Variants in MYO1B observed in about 807,000 individuals in gnomAD.
MYO1B encodes the protein myosin IB.
A neutral mutation model predicts 159.7 loss-of-function variants in MYO1B; 72 were observed. The observed-to-expected ratio is 0.45, with a 90% CI of 0.37 to 0.55. The LOEUF is 0.55. MYO1B is among the 20% of genes least tolerant of loss of function. MYO1B has a pLI of 0.00. For synonymous variants in MYO1B, 468 were observed against 473.8 expected, an observed-to-expected ratio of 0.99 and a Z score of 0.16; for missense variants, 1,062 against 1,364.8, an observed-to-expected ratio of 0.78 and a Z score of 3.50.
intron 13 of MYO1B, among the ~76,000 whole-genome samples, chr2:191,371,426 G>C (rs2126041439): frequency 6.6e-6 from 1 of 152,314 alleles, no homozygotes; most frequent in East Asian, 1.9e-4. Flanking sequence ...AGGGCCGACT[G>C]TATGTAAGCA....
chr2:191,340,884 C>T (rs995719073), intron 4 of MYO1B, among the ~76,000 whole-genome samples: 1 of 152,012 alleles, frequency 6.6e-6, no homozygotes. Context: ...TGCCACCATG[C>T]CCGGCTTATT....
intron 30 of MYO1B, among the ~76,000 whole-genome samples, chr2:191,419,576 A>T (rs2356649): frequency 0.97 from 148,183 of 152,272 alleles, 72,202 homozygotes; most frequent in East Asian, 1. Context: ...AAAAGTTAAT[A>T]GTAAAACAGC....
At chr2:191,246,119 C>G (rs563911387) in intron 1 of MYO1B, 26 of 152,512 alleles carry the variant, frequency 1.7e-4, no homozygotes, top group African/African-American at 6.3e-4. Flanking sequence ...GAGGAGGGGC[C>G]CGGGACGCTG....
intron 17 of MYO1B, chr2:191,388,276 CAAA>C (rs1163456741): frequency 7.5e-5 from 8 of 106,140 alleles, no homozygotes; most frequent in Non-Finnish European, 9.9e-5. Flanking sequence ...GACTCCATCT[CAAA>C]AAAAAAAAAA....
chr2:191,408,074 G>T, intron 24 of MYO1B, 41 bp from the exon 25 acceptor site: 2 of 1,389,046 alleles, frequency 1.4e-6, no homozygotes, highest in South Asian at 1.2e-5. Context: ...ACCTGTACCA[G>T]CCACACATTA....
intron 3 of MYO1B, among the ~76,000 whole-genome samples, chr2:191,310,957 A>G (rs1455695928): frequency 3.3e-5 from 5 of 152,224 alleles, no homozygotes; most frequent in African/African-American, 1.2e-4. Flanking sequence ...CAGAATTTCT[A>G]GTTGCTATTG....
At position 191,390,358 on chromosome 2, in the gene MYO1B, C is replaced by T; in HGVS notation, c.1848C>T (p.Ile616=). Residue 616 remains isoleucine, a synonymous_variant, in exon 18 of 31, where the codon ATC becomes ATT. Transcript: ENST00000392318. The part of the protein sequence containing the change: ...IFNEALVCHQ[I]RYLGLLENVR... ...ACGAGGCTCTAGTGTGTCATCAGAT[C>T]AGGTACCTGGGGCTTTTGGAGAACG... The T allele has an allele frequency of 6.2e-7, 1 of 1,614,212 alleles. No individual in the cohort carries two copies. The highest frequency in any genetic ancestry group is 8.5e-7 in the Non-Finnish European group (1 of 1,180,038).
chr2:191,382,430 ATGCT>A (rs1695097647), intron 14 of MYO1B, among the ~76,000 whole-genome samples: 1 of 152,186 alleles, frequency 6.6e-6, no homozygotes, highest in African/African-American at 2.4e-5. Flanking sequence ...AGTACTCATT[ATGCT>A]TCAGAAATGT....
rs747301006 is a variant in MYO1B, at chr2:191,360,613, T to C, written c.563-18T>C. On this transcript the variant is annotated intron_variant, in intron 7 of 30. Transcript: ENST00000392318. ...AAGTGAAACAAATGCCATACTATGA[T>C]TTAACTCTTCTCTTTAGATCTTTTA... is the stretch of plus-strand genomic sequence containing the variant. 6.5e-7 allele frequency: 1 copy of C among 1,530,508 alleles called. No homozygotes were observed. The highest frequency in any genetic ancestry group is 1.1e-5 in the South Asian group (1 of 87,062). The allele number at this position is 1,530,508 out of a possible 1,614,324, so 94.8% of individuals were successfully genotyped here.
At position 191,400,920 on chromosome 2, in the gene MYO1B, C is replaced by T. The variant is rs1457402471; in HGVS notation, c.2469+85C>T. 3.9e-6 allele frequency: 5 copies of T among 1,286,816 alleles called. No homozygotes were observed. The African/African-American group carries it at 7.4e-5, about 19-fold the overall frequency. The allele number at this position is 1,286,816 out of a possible 1,614,324, so 79.7% of individuals were successfully genotyped here. ...CTCTAGCCTATTAGGGGATGAATGA[C>T]TACAATTAATAGTGGCTCACACTGG... On this transcript the variant is annotated intron_variant, in intron 23 of 30. Transcript: ENST00000392318.
chr2:191,325,337 G>T (rs1017138620), intron 3 of MYO1B, among the ~76,000 whole-genome samples: 6 of 152,100 alleles, frequency 3.9e-5, no homozygotes, highest in Admixed American at 3.3e-4. Context: ...TAGGGCTCAA[G>T]ATTAAATGAA....
At chr2:191,370,640 A>G (rs901295069) in intron 13 of MYO1B, among the ~76,000 whole-genome samples, 5 of 152,186 alleles carry the variant, frequency 3.3e-5, no homozygotes, top group Admixed American at 2.6e-4. Context: ...GAGGCTTCCA[A>G]CAAGCTACAA....
intron 25 of MYO1B, 76 bp downstream of exon 25, chr2:191,408,265 G>A: frequency 9.5e-7 from 1 of 1,050,518 alleles, no homozygotes; most frequent in Non-Finnish European, 1.4e-6. Context: ...TCCATAAAAT[G>A]TGCCTTTTCC....
At chr2:191,293,212 A>C (rs1173027635) in intron 2 of MYO1B, among the ~76,000 whole-genome samples, 1 of 152,240 alleles carries the variant, frequency 6.6e-6, no homozygotes, top group African/African-American at 2.4e-5. Context: ...ATTCCAATTG[A>C]AGGAGTGGAG....
Position 191,350,145 on chromosome 2 carries a change from A to G in MYO1B, c.499-17A>G, listed in dbSNP as rs1692820215. Reference sequence around the variant, plus strand: ...TTTGAGATGAACTAGAAAACTCACAAAATCTTTCTTTGGCAGGGCAAATAT... The same window carrying G: ...TTTGAGATGAACTAGAAAACTCACAGAATCTTTCTTTGGCAGGGCAAATAT... On this transcript the variant is annotated splice_polypyrimidine_tract_variant and intron_variant, in intron 6 of 30. Coordinates refer to ENST00000392318, the MANE Select transcript of MYO1B (RefSeq NM_001130158.3). 2.5e-6 allele frequency: 4 copies of G among 1,610,978 alleles called. No individual in the cohort carries two copies. Among genetic ancestry groups the G allele is most frequent in the South Asian group, 1.1e-5 (1 of 90,964 alleles).
In MYO1B at chr2:191,424,775, CGAAAT is replaced by C. The variant is rs1156407264; in HGVS notation, c.*818_*822del. Reference sequence around the variant, plus strand: ...TCTGGTAAATACCATATATGATCCTCGAAATGATAATATCTCCAGAATATTGTTTT... The same window carrying C: ...TCTGGTAAATACCATATATGATCCTCGATAATATCTCCAGAATATTGTTTT... On this transcript the variant is annotated 3_prime_UTR_variant, in exon 31 of 31. Coordinates refer to ENST00000392318, the MANE Select transcript of MYO1B (RefSeq NM_001130158.3). 6.6e-6 allele frequency: 1 copy of C among 152,436 alleles called. No homozygotes were observed. The highest frequency in any genetic ancestry group is 1.5e-5 in the Non-Finnish European group (1 of 67,994). 9.4% of individuals were successfully genotyped at this position (152,436 alleles called of 1,614,324 possible).
rs562225357 is a variant in MYO1B, at chr2:191,403,578, AATT to A, written c.2556+866_2556+868del. On this transcript the variant is annotated intron_variant, in intron 24 of 30. Coordinates refer to ENST00000392318, the MANE Select transcript of MYO1B (RefSeq NM_001130158.3). ...CATTTAATCTTACTCCAAATATTTG[AATT>A]ATTATCTGAGTAATCATTGACTCTA... Among the ~76,000 whole-genome samples the A allele has an allele frequency of 1.2e-3, 178 of 152,258 alleles. 1 individual carries two copies. The highest frequency in any genetic ancestry group is 4.1e-3 in the African/African-American group (169 of 41,556).
intron 3 of MYO1B, among the ~76,000 whole-genome samples, chr2:191,322,085 A>C (rs937341116): frequency 1.6e-4 from 25 of 152,200 alleles, no homozygotes; most frequent in African/African-American, 5.8e-4. Context: ...GGGCAGATAA[A>C]GAAGTAGAAT....
chr2:191,336,308 A>T (rs1041884547), intron 4 of MYO1B, among the ~76,000 whole-genome samples: 1 of 152,174 alleles, frequency 6.6e-6, no homozygotes, highest in Non-Finnish European at 1.5e-5. Flanking sequence ...TGGTTCTCCA[A>T]CTGGACAGTG....
Sources: allele counts gnomAD v4.1 joint callset (sites outside exome capture counted in the v4.1 genomes callset), GRCh38; gene constraint gnomAD v4.1.1; transcripts MANE v1.5; gene names NCBI Gene and HGNC (gene_info 2026-07-23, HGNC 2026-07-21).